Variants in ANKRD33B observed in about 807,000 individuals in gnomAD.
ANKRD33B encodes ankyrin repeat domain 33B, also known as ankyrin repeat domain-containing protein 33B.
ANKRD33B carries 6 observed loss-of-function variants against 21.5 expected under a neutral mutation model. That is an observed-to-expected ratio of 0.28 (90% confidence interval 0.15 to 0.55). The LOEUF (loss-of-function observed/expected upper bound fraction) is 0.55. ANKRD33B is among the 20% of genes least tolerant of loss of function. The pLI is 0.94. For synonymous variants in ANKRD33B, 347 were observed against 342.4 expected (o/e 1.01, Z -0.15); for missense variants, 698 against 747.2 (o/e 0.93, Z 0.77).
intron 1 of ANKRD33B, among the ~76,000 whole-genome samples, chr5:10,590,452 T>C (rs542546592): frequency 5.3e-4 from 81 of 152,360 alleles, no homozygotes; most frequent in Non-Finnish European, 5.9e-4. Context: ...AAATATGGCC[T>C]GGGCAGATCA....
intron 2 of ANKRD33B, among the ~76,000 whole-genome samples, chr5:10,623,202 G>C (rs1487647279): frequency 6.6e-6 from 1 of 152,194 alleles, no homozygotes; most frequent in Non-Finnish European, 1.5e-5. Context: ...AATGGCATCA[G>C]TGGGTCTCAA....
In ANKRD33B at chr5:10,649,494, C is replaced by T. The variant is rs1737273658; in HGVS notation, c.866C>T (p.Ser289Phe). 6.5e-7 allele frequency: 1 copy of T among 1,535,000 alleles called. No homozygotes were observed. Among genetic ancestry groups the T allele is most frequent in the East Asian group, 2.4e-5 (1 of 40,874 alleles). The part of the protein sequence containing the change: ...CLQRLTDCVL[S>F]VLTPRSVRGP... ...CAGAGGCTCACAGACTGCGTGCTGTCCGTGCTGACGCCGCGCTCCGTGCGG... is the reference window on the plus strand; with the variant it reads ...CAGAGGCTCACAGACTGCGTGCTGTTCGTGCTGACGCCGCGCTCCGTGCGG... The change falls in exon 4 of 4, where the codon TCC (serine) becomes TTC (phenylalanine). Residue 289 changes from serine to phenylalanine, a missense_variant. Ser to Phe is a radical substitution (Grantham distance 155, BLOSUM62 -2). Coordinates refer to ENST00000296657, the MANE Select transcript of ANKRD33B (RefSeq NM_001164440.2).
At chr5:10,624,274 C>T (rs1391901368) in intron 2 of ANKRD33B, among the ~76,000 whole-genome samples, 4 of 151,784 alleles carry the variant, frequency 2.6e-5, no homozygotes, top group Admixed American at 6.6e-5. Flanking sequence ...AGATTATAGG[C>T]GCCAGTCACC....
At chr5:10,580,094 C>G (rs909390537) in intron 1 of ANKRD33B, among the ~76,000 whole-genome samples, 9 of 152,142 alleles carry the variant, frequency 5.9e-5, no homozygotes, top group African/African-American at 1.2e-4. Flanking sequence ...TTATGTCCCC[C>G]TATCTTGACA....
intron 2 of ANKRD33B, 136 bp downstream of exon 2, chr5:10,618,598 A>G: frequency 7.7e-7 from 1 of 1,298,574 alleles, no homozygotes; most frequent in Middle Eastern, 2.5e-4. Flanking sequence ...GTGCCAGGGA[A>G]GGGCTGATTG....
At chr5:10,611,013 C>T (rs1736159517) in intron 1 of ANKRD33B, among the ~76,000 whole-genome samples, 1 of 152,154 alleles carries the variant, frequency 6.6e-6, no homozygotes, top group Non-Finnish European at 1.5e-5. Context: ...CACTGCACTT[C>T]AGCCTGGGCA....
At chr5:10,575,978 T>TACACAC (rs60058725) in intron 1 of ANKRD33B, among the ~76,000 whole-genome samples, 10,214 of 150,010 alleles carry the variant, frequency 0.068, 367 homozygotes, top group East Asian at 0.089. Context: ...GATGGACGTA[T>TACACAC]ACACACACAC....
In ANKRD33B at chr5:10,638,103, T is replaced by C. The variant is rs1736914743; in HGVS notation, c.572T>C (p.Phe191Ser). The C allele has an allele frequency of 6.5e-7, 1 of 1,537,414 alleles. No individual in the cohort carries two copies. The highest frequency in any genetic ancestry group is 2.0e-5 in the Admixed American group (1 of 50,980). The change falls in exon 3 of 4, where the codon TTC becomes TCC. Residue 191 changes from phenylalanine to serine, a missense_variant. Physicochemically the swap from Phe to Ser is radical, Grantham distance 155 (BLOSUM62 -2). Transcript: ENST00000296657. ...LDLERRNAFG[F>S]TALMKAAMQG... ...CTTGAAAGGAGGAACGCGTTCGGGT[T>C]CACCGCCCTGATGAAAGCCGCCATG...
At chr5:10,600,154 G>A (rs1403315194) in intron 1 of ANKRD33B, among the ~76,000 whole-genome samples, 1 of 152,188 alleles carries the variant, frequency 6.6e-6, no homozygotes, top group African/African-American at 2.4e-5. Context: ...TGTCTGCATA[G>A]GCAAAGTTGC....
At chr5:10,642,706 ATTG>A (rs1396641508) in intron 3 of ANKRD33B, among the ~76,000 whole-genome samples, 2 of 152,158 alleles carry the variant, frequency 1.3e-5, no homozygotes, top group African/African-American at 4.8e-5. Flanking sequence ...GGTTGTGATT[ATTG>A]TTATTATTAT....
intron 2 of ANKRD33B, among the ~76,000 whole-genome samples, chr5:10,636,447 A>G (rs1015889868): frequency 2.3e-5 from 3 of 127,894 alleles, no homozygotes; most frequent in Non-Finnish European, 3.6e-5. Context: ...TCCCATCTCT[A>G]CAAAAAAAAA....
chr5:10,625,012 C>A (rs1344188844), intron 2 of ANKRD33B: 1 of 340,450 alleles, frequency 2.9e-6, no homozygotes, highest in Non-Finnish European at 5.8e-6. Context: ...CGGCAAAGGA[C>A]CCCTCTCAGT....
chr5:10,594,286 A>G (rs907166199), intron 1 of ANKRD33B, among the ~76,000 whole-genome samples: 27 of 140,830 alleles, frequency 1.9e-4, no homozygotes, highest in African/African-American at 7.1e-4. Context: ...CTGGAGTGCA[A>G]TGCCCACCAC....
intron 1 of ANKRD33B, among the ~76,000 whole-genome samples, chr5:10,617,284 C>T (rs1389880531): frequency 3.3e-5 from 5 of 152,190 alleles, no homozygotes. Context: ...GACGTCACCA[C>T]TGGGTTGTCC....
rs1328185255 is a variant in ANKRD33B, at chr5:10,638,938, G to A, written c.637+770G>A. 2.2e-4 allele frequency among the ~76,000 whole-genome samples: 27 copies of A among 125,272 alleles called. 4 individuals are homozygous for A. Among genetic ancestry groups the A allele is most frequent in the Non-Finnish European group, 2.8e-4 (15 of 54,290 alleles). 82.2% of individuals were successfully genotyped at this position (125,272 alleles called of 152,430 possible). A position where few individuals can be genotyped will look rare whatever the true frequency, so the allele number is the denominator to read the frequency against. ...AGCGGGTGACGCGGAGTTGCGCGGCGATATTAGCGGGTGACGCGGAGTTGC... is the reference window on the plus strand; with the variant it reads ...AGCGGGTGACGCGGAGTTGCGCGGCAATATTAGCGGGTGACGCGGAGTTGC... On this transcript the variant is annotated intron_variant, in intron 3 of 3. Coordinates refer to ENST00000296657, the MANE Select transcript of ANKRD33B (RefSeq NM_001164440.2).
Sources: allele counts gnomAD v4.1 joint callset (sites outside exome capture counted in the v4.1 genomes callset), GRCh38; gene constraint gnomAD v4.1.1; transcripts MANE v1.5; gene names NCBI Gene and HGNC (gene_info 2026-07-23, HGNC 2026-07-21).